The following EEA1 variants were observed in gnomAD, a reference collection of about 807,000 sequenced individuals.
EEA1 encodes the protein early endosome antigen 1.
EEA1 carries 111 observed loss-of-function variants against 209.2 expected under a neutral mutation model. That is an observed-to-expected ratio of 0.53 (90% CI 0.45 to 0.62). The LOEUF (loss-of-function observed/expected upper bound fraction) is 0.62, where lower values mean the gene tolerates loss of function less well. Among genes scored for constraint, EEA1 ranks in the 20% least tolerant of loss-of-function variants. The probability of loss-of-function intolerance (pLI) is 0.00; values close to 1 mark genes in which losing one functional copy is unlikely to be tolerated. For synonymous variants in EEA1, 536 were observed against 540.6 expected (o/e 0.99, Z 0.12); for missense variants, 1,343 against 1,530.8 (o/e 0.88, Z 2.05).
At chr12:92,905,056 A>G (rs936885579) in intron 1 of EEA1, among the ~76,000 whole-genome samples, 3 of 151,838 alleles carry the variant, frequency 2.0e-5, no homozygotes, top group African/African-American at 4.8e-5. Flanking sequence ...CAAGTCCCCA[A>G]CCTGAAGCTA....
At chr12:92,889,847 G>A (rs1450453786) in intron 2 of EEA1, among the ~76,000 whole-genome samples, 1 of 152,214 alleles carries the variant, frequency 6.6e-6, no homozygotes, top group African/African-American at 2.4e-5. Flanking sequence ...CTGGGAGGCA[G>A]AGGTTACAGT....
At position 92,778,068 on chromosome 12, in the gene EEA1, CCTT is replaced by C. The variant is rs1215027705; in HGVS notation, c.3763_3765del (p.Lys1255del). ...ACTCTCCGTTGACTAGATTGCCACT[CCTT>C]CTTCACAGTGCCTAAGTTTTCATTT... On this transcript the variant is annotated inframe_deletion, in exon 26 of 29. Transcript: ENST00000322349. 1 of 1,613,498 alleles carries C rather than the reference CCTT, an allele frequency of 6.2e-7. No individual in the cohort carries two copies. Among genetic ancestry groups the C allele is most frequent in the African/African-American group, 1.3e-5 (1 of 74,986 alleles).
chr12:92,785,901 A>AT lies in EEA1; in HGVS notation c.3150+1965dup, dbSNP rs1408246973. Among the ~76,000 whole-genome samples, 7 of 152,322 alleles carry AT rather than the reference A, an allele frequency of 4.6e-5. No homozygotes were observed. The South Asian group carries it at 1.4e-3, about 32-fold the overall frequency. On this transcript the variant is annotated intron_variant, in intron 22 of 28. Transcript: ENST00000322349. ...GAGTTATTCTTTCATGTATGAAATT[A>AT]TTAGTACACAACATAGCTTTCAAGC... is the stretch of plus-strand genomic sequence containing the variant.
chr12:92,785,056 AGTT>A (rs143505391), intron 22 of EEA1, among the ~76,000 whole-genome samples: 74 of 146,696 alleles, frequency 5.0e-4, no homozygotes, highest in African/African-American at 1.8e-3. Flanking sequence ...TCATATTTTT[AGTT>A]GTTTTTTCTT....
chr12:92,884,123 C>G, intron 2 of EEA1: 1 of 1,192,936 alleles, frequency 8.4e-7, no homozygotes, highest in South Asian at 1.2e-5. Flanking sequence ...CAATGAAGAA[C>G]AACACCTAAG....
intron 20 of EEA1, among the ~76,000 whole-genome samples, chr12:92,800,973 T>A (rs939895951): frequency 2.0e-5 from 3 of 152,228 alleles, no homozygotes; most frequent in Non-Finnish European, 2.9e-5. Flanking sequence ...TGCTCCTTTA[T>A]CAAATCAGAT....
chr12:92,842,446 A>T lies in EEA1; in HGVS notation c.915+19T>A. ...ACATAAAATCAATTTGCTATTATAT[A>T]TAGCTTTAAAATTCTCACCTGATTT... On this transcript the variant is annotated intron_variant, in intron 10 of 28. Transcript: ENST00000322349. 1 of 1,214,716 alleles carries T rather than the reference A, an allele frequency of 8.2e-7. No homozygotes were observed. Among genetic ancestry groups the T allele is most frequent in the Non-Finnish European group, 1.2e-6 (1 of 832,242 alleles). The allele number at this position is 1,214,716 out of a possible 1,614,324, so 75.2% of individuals were successfully genotyped here. A position where few individuals can be genotyped will look rare whatever the true frequency, so the allele number is the denominator to read the frequency against.
intron 9 of EEA1, among the ~76,000 whole-genome samples, chr12:92,850,502 C>T (rs550308951): frequency 6.6e-6 from 1 of 151,876 alleles, no homozygotes; most frequent in Admixed American, 6.6e-5. Context: ...CCAGCCTGGC[C>T]AACATGGTGA....
At chr12:92,854,016 G>A in intron 5 of EEA1, 62 bp from the exon 6 acceptor site, 2 of 1,268,434 alleles carry the variant, frequency 1.6e-6, no homozygotes, top group Non-Finnish European at 1.1e-6. Flanking sequence ...CTGTTAAAAT[G>A]GTCAATGTTA....
chr12:92,851,626 A>G (rs1877634414), intron 8 of EEA1, among the ~76,000 whole-genome samples: 1 of 152,122 alleles, frequency 6.6e-6, no homozygotes, highest in Non-Finnish European at 1.5e-5. Flanking sequence ...TGAAGGAGCA[A>G]ATGAAAGCAT....
chr12:92,851,270 T>C lies in EEA1; in HGVS notation c.643-4A>G. 1 of 1,600,822 alleles carries C rather than the reference T, an allele frequency of 6.2e-7. No individual in the cohort carries two copies. Among genetic ancestry groups the C allele is most frequent in the Non-Finnish European group, 8.5e-7 (1 of 1,176,472 alleles). On this transcript the variant is annotated splice_region_variant and splice_polypyrimidine_tract_variant and intron_variant, in intron 8 of 28. Transcript: ENST00000322349. ...CTTCTATACCAGGTCTCTGAAGCTG[T>C]GAAACAACACATTTTAATTAAAAAT...
intron 1 of EEA1, among the ~76,000 whole-genome samples, chr12:92,925,794 G>A (rs2136793263): frequency 6.6e-6 from 1 of 152,264 alleles, no homozygotes; most frequent in South Asian, 2.1e-4. Flanking sequence ...ACAAAAGCAG[G>A]AGAACCAGAA....
rs376576978 is a variant in EEA1, at chr12:92,779,206, T to C, written c.3563A>G (p.Gln1188Arg). The C allele has an allele frequency of 1.4e-5, 22 of 1,611,932 alleles. No homozygotes were observed. The highest frequency in any genetic ancestry group is 1.8e-5 in the Non-Finnish European group (21 of 1,179,344). The change falls in exon 25 of 29, where the codon CAG (glutamine) becomes CGG (arginine). Residue 1188 changes from glutamine (Q) to arginine (R), a missense_variant. Physicochemically the swap from Gln to Arg is conservative, Grantham distance 43. Transcript: ENST00000322349. ...KADSLKAAVE[Q>R]EKRNQQILKD... ...TAGTATCTGCTGATTTCTCTTCTCC[T>C]GTTCAACAGCTGCCTTCAGGGAGTC...
intron 2 of EEA1, among the ~76,000 whole-genome samples, chr12:92,877,534 AT>A (rs113091247): frequency 1.1e-3 from 159 of 147,930 alleles, no homozygotes; most frequent in Middle Eastern, 3.5e-3. Context: ...AATTAAAATA[AT>A]TTTTTTTTTT....
At chr12:92,927,279 C>A (rs1423518147) in intron 1 of EEA1, among the ~76,000 whole-genome samples, 1 of 152,164 alleles carries the variant, frequency 6.6e-6, no homozygotes, top group Non-Finnish European at 1.5e-5. Context: ...AGGGCAGCCT[C>A]CCACAACGCA....
intron 3 of EEA1, among the ~76,000 whole-genome samples, chr12:92,862,874 T>C (rs1592743915): frequency 6.6e-6 from 1 of 152,300 alleles, no homozygotes; most frequent in African/African-American, 2.4e-5. Flanking sequence ...AATGACACCA[T>C]TCTCCAGAAG....
chr12:92,790,784 T>C (rs1874367673), intron 21 of EEA1, among the ~76,000 whole-genome samples: 1 of 152,090 alleles, frequency 6.6e-6, no homozygotes, highest in Non-Finnish European at 1.5e-5. Flanking sequence ...ACCACAAAGA[T>C]ACTCCTCAAG....
intron 11 of EEA1, among the ~76,000 whole-genome samples, chr12:92,832,040 T>C (rs2136692633): frequency 6.6e-6 from 1 of 150,736 alleles, no homozygotes; most frequent in Non-Finnish European, 1.5e-5. Flanking sequence ...TGAGCCGAGA[T>C]TGCGCCACTG....
At chr12:92,847,434 G>A (rs1404187670) in intron 9 of EEA1, among the ~76,000 whole-genome samples, 4 of 151,910 alleles carry the variant, frequency 2.6e-5, no homozygotes, top group East Asian at 1.9e-4. Context: ...TTAATAAAAC[G>A]TCATATATTC....
Sources: allele counts gnomAD v4.1 joint callset (sites outside exome capture counted in the v4.1 genomes callset), GRCh38; gene constraint gnomAD v4.1.1; transcripts MANE v1.5; gene names NCBI Gene and HGNC (gene_info 2026-07-23, HGNC 2026-07-21).